PSMA1: variants seen among roughly 807,000 people sequenced by gnomAD.
PSMA1 encodes the protein proteasome 20S subunit alpha 1.
Under a neutral mutation model 38.4 loss-of-function variants are expected in PSMA1, and 3 were observed. That is an observed-to-expected ratio of 0.08 (90% confidence interval 0.04 to 0.20). PSMA1 has a LOEUF of 0.20. Ranked by LOEUF, PSMA1 falls within the 10% of genes least tolerant of loss-of-function variation. PSMA1 has a pLI of 1.00. For missense variants in PSMA1, 227 were observed against 325.3 expected (o/e 0.70, Z 2.32); for synonymous variants, 101 against 107.1 (o/e 0.94, Z 0.35).
At chr11:14,520,443 A>T (rs925452846), upstream of PSMA1, 6 of 1,584,564 alleles carry the variant, frequency 3.8e-6, no homozygotes, top group Non-Finnish European at 5.2e-6. Context: ...TTCCAGAGAT[A>T]TCGATAGGCT....
chr11:14,569,139 T>C (rs1852107632), intron 2 of PSMA1, among the ~76,000 whole-genome samples: 1 of 152,142 alleles, frequency 6.6e-6, no homozygotes, highest in Admixed American at 6.6e-5. Context: ...AGAAAATTGG[T>C]TTTTCTTTTC....
intron 1 of PSMA1, among the ~76,000 whole-genome samples, chr11:14,638,545 C>CTA (rs1243564648): frequency 6.3e-5 from 1 of 15,960 alleles, no homozygotes; most frequent in Non-Finnish European, 1.0e-4. Context: ...CTCTCTCTCT[C>CTA]TATATATATA....
chr11:14,523,671 C>T (rs1177760693), upstream of PSMA1, among the ~76,000 whole-genome samples: 1 of 150,908 alleles, frequency 6.6e-6, no homozygotes, highest in Non-Finnish European at 1.5e-5. Flanking sequence ...TCAGCCTGGA[C>T]CTCCTGGGCC....
chr11:14,573,200 A>G (rs1852167991), intron 2 of PSMA1, among the ~76,000 whole-genome samples: 1 of 152,212 alleles, frequency 6.6e-6, no homozygotes, highest in Admixed American at 6.5e-5. Context: ...CCTGGCAGAG[A>G]CACAACAAAA....
At chr11:14,564,893 T>C (rs868588908) in intron 2 of PSMA1, among the ~76,000 whole-genome samples, 5 of 151,554 alleles carry the variant, frequency 3.3e-5, no homozygotes, top group Admixed American at 6.6e-5. Flanking sequence ...TCCTCCCACC[T>C]CAGCCTACCA....
intron 1 of PSMA1, among the ~76,000 whole-genome samples, chr11:14,630,956 G>A (rs1852996913): frequency 2.0e-5 from 3 of 152,172 alleles, no homozygotes; most frequent in Admixed American, 2.0e-4. Context: ...TTTGCGTAGA[G>A]GTGTTTGTAG....
At chr11:14,554,613 G>A (rs752148506) in intron 2 of PSMA1, among the ~76,000 whole-genome samples, 3 of 151,958 alleles carry the variant, frequency 2.0e-5, no homozygotes, top group Non-Finnish European at 1.5e-5. Flanking sequence ...GTTGAAAATC[G>A]GTTGGCTATA....
intron 2 of PSMA1, among the ~76,000 whole-genome samples, chr11:14,585,313 A>G (rs1040917606): frequency 2.0e-5 from 3 of 152,304 alleles, no homozygotes; most frequent in Non-Finnish European, 4.4e-5. Flanking sequence ...AATGAATTAA[A>G]AAAATAAAAC....
intron 2 of PSMA1, among the ~76,000 whole-genome samples, chr11:14,535,536 A>G (rs1217084348): frequency 6.7e-6 from 1 of 148,998 alleles, no homozygotes; most frequent in Non-Finnish European, 1.5e-5. Flanking sequence ...CTCCGCCTCC[A>G]GGGTTCAAGA....
intron 1 of PSMA1, among the ~76,000 whole-genome samples, chr11:14,633,187 C>T (rs1342628995): frequency 2.6e-4 from 39 of 151,794 alleles, no homozygotes; most frequent in Middle Eastern, 6.8e-3. Flanking sequence ...TGAGGAACTG[C>T]GTTCCTTTGG....
At chr11:14,626,690 A>G (rs1216393535) in intron 1 of PSMA1, among the ~76,000 whole-genome samples, 2 of 152,212 alleles carry the variant, frequency 1.3e-5, no homozygotes, top group African/African-American at 4.8e-5. Flanking sequence ...GCTGTTGCAA[A>G]GTTCAAGTGT....
intron 2 of PSMA1, among the ~76,000 whole-genome samples, chr11:14,596,974 A>C (rs1852504535): frequency 6.6e-6 from 1 of 152,168 alleles, no homozygotes; most frequent in Non-Finnish European, 1.5e-5. Flanking sequence ...AATTTTGTCG[A>C]AGGCCTTTTC....
At chr11:14,561,809 T>C (rs2575844) in intron 2 of PSMA1, among the ~76,000 whole-genome samples, 21 of 147,932 alleles carry the variant, frequency 1.4e-4, no homozygotes, top group African/African-American at 1.3e-4. Flanking sequence ...CTAAACTAAA[T>C]TAAACTAAAC....
rs773793807 is a variant in PSMA1 at position 14,513,567 on chromosome 11, T to C, written c.544+3A>G. 7.4e-6 allele frequency: 11 copies of C among 1,493,264 alleles called. No individual in the cohort carries two copies. The African/African-American group carries it at 1.2e-4, about 16-fold the overall frequency. 92.5% of individuals were successfully genotyped at this position (1,493,264 alleles called of 1,614,324 possible). A position where few individuals can be genotyped will look rare whatever the true frequency, so the allele number is the denominator to read the frequency against. ...AAAAAAAAAAAGCAAGGCTGTCACT[T>C]ACACTCCATAAATTCAGACATATGT... On this transcript the variant is annotated splice_donor_region_variant and intron_variant, in intron 7 of 9. Transcript: ENST00000396394.
At chr11:14,610,930 A>G in intron 2 of PSMA1, 2 of 1,602,688 alleles carry the variant, frequency 1.2e-6, no homozygotes, top group Admixed American at 1.7e-5. Flanking sequence ...AAATCTATGC[A>G]TTCTGTGTTT....
At chr11:14,629,583 G>A (rs1267287332) in intron 1 of PSMA1, among the ~76,000 whole-genome samples, 1 of 152,192 alleles carries the variant, frequency 6.6e-6, no homozygotes, top group Admixed American at 6.5e-5. Flanking sequence ...TTGTAGTATA[G>A]TTTGAAGTCA....
At chr11:14,598,815 T>C (rs1565054695) in intron 2 of PSMA1, among the ~76,000 whole-genome samples, 1 of 151,906 alleles carries the variant, frequency 6.6e-6, no homozygotes, top group African/African-American at 2.4e-5. Context: ...GCTCATTATT[T>C]GATGCAGTTT....
At position 14,513,538 on chromosome 11, in the gene PSMA1, A is replaced by G. The variant is rs747938618; in HGVS notation, c.544+32T>C. ...CTATATAGACTGGAAAAGGCAAAAA[A>G]AAAAAAAAAAAAAAGCAAGGCTGTC... On this transcript the variant is annotated intron_variant, in intron 7 of 9. Transcript: ENST00000396394. 16 of 1,270,818 alleles carry G rather than the reference A, an allele frequency of 1.3e-5. No homozygotes were observed. The African/African-American group carries it at 2.3e-4, about 18-fold the overall frequency. 78.7% of individuals were successfully genotyped at this position (1,270,818 alleles called of 1,614,324 possible). A position where few individuals can be genotyped will look rare whatever the true frequency, so the allele number is the denominator to read the frequency against.
rs1437186118 is a variant in PSMA1 at position 14,586,549 on chromosome 11, A to G, written c.21+24417T>C. On this transcript the variant is annotated intron_variant, in intron 2 of 10. Coordinates refer to the PSMA1 transcript ENST00000418988. ...TGTACACATATATGATAGGTATTCTATTTTATCCCCAAATAAAAAGACATT... is the reference window on the plus strand; with the variant it reads ...TGTACACATATATGATAGGTATTCTGTTTTATCCCCAAATAAAAAGACATT... 2.0e-5 allele frequency among the ~76,000 whole-genome samples: 3 copies of G among 152,188 alleles called. No homozygotes were observed. In the East Asian group the frequency reaches 5.8e-4, roughly 29 times the overall value.
Sources: gnomAD v4.1 joint callset for allele counts (sites outside exome capture counted in the v4.1 genomes callset) on GRCh38, gnomAD v4.1.1 for gene constraint, MANE v1.5 for transcripts, NCBI Gene and HGNC (gene_info 2026-07-23, HGNC 2026-07-21) for gene names.